SRGAP3: variants seen among roughly 807,000 people sequenced by gnomAD.
SRGAP3 encodes the protein SLIT-ROBO Rho GTPase-activating protein 3.
In SRGAP3, 39 loss-of-function variants were observed where a neutral mutation model predicts 121.1. The ratio of observed to expected loss-of-function variants is 0.32; its 90% CI spans 0.25 to 0.42. The LOEUF (loss-of-function observed/expected upper bound fraction) is 0.42, where lower values mean the gene tolerates loss of function less well. Ranked by LOEUF, SRGAP3 falls within the 10% of genes least tolerant of loss-of-function variation. SRGAP3 has a pLI of 1.00. For synonymous variants in SRGAP3, 601 were observed against 570.0 expected (o/e 1.05, Z -0.77); for missense variants, 1,213 against 1,470.6 (o/e 0.82, Z 2.86).
At chr3:9,293,948 G>A (rs1040269200) in intron 3 of SRGAP3, among the ~76,000 whole-genome samples, 1 of 152,092 alleles carries the variant, frequency 6.6e-6, no homozygotes, top group African/African-American at 2.4e-5. Flanking sequence ...CCTAAAGAAA[G>A]AAACACCATT....
chr3:9,291,655 T>C (rs62244928), intron 3 of SRGAP3, among the ~76,000 whole-genome samples: 40 of 151,816 alleles, frequency 2.6e-4, no homozygotes, highest in Non-Finnish European at 4.6e-4. Flanking sequence ...TTTGTTGTCT[T>C]AAATATATTT....
At chr3:9,260,273 T>C (rs765273853) in intron 3 of SRGAP3, among the ~76,000 whole-genome samples, 1 of 151,984 alleles carries the variant, frequency 6.6e-6, no homozygotes, top group Non-Finnish European at 1.5e-5. Context: ...CGTACCCCAG[T>C]GGTGCCTGGA....
At chr3:9,149,389 T>C (rs979297151) in intron 1 of SRGAP3, among the ~76,000 whole-genome samples, 1 of 152,104 alleles carries the variant, frequency 6.6e-6, no homozygotes, top group African/African-American at 2.4e-5. Context: ...ATGAGGCAGG[T>C]TAATTGCATT....
intron 1 of SRGAP3, among the ~76,000 whole-genome samples, chr3:9,133,632 T>C (rs989159018): frequency 1.6e-4 from 24 of 152,256 alleles, no homozygotes; most frequent in African/African-American, 5.8e-4. Context: ...TATAATCTTT[T>C]ACTATCATCA....
chr3:9,126,410 T>A (rs1949229204), intron 1 of SRGAP3, among the ~76,000 whole-genome samples: 1 of 152,126 alleles, frequency 6.6e-6, no homozygotes, highest in Non-Finnish European at 1.5e-5. Context: ...GGCGGGTGGA[T>A]CACGAGGTCA....
chr3:9,185,104 C>T (rs911137366), intron 1 of SRGAP3, among the ~76,000 whole-genome samples: 2 of 152,212 alleles, frequency 1.3e-5, no homozygotes, highest in East Asian at 1.9e-4. Flanking sequence ...TTAGAGTCTT[C>T]GGTCTTCCCA....
chr3:8,999,874 T>G (rs1314176983), intron 18 of SRGAP3, among the ~76,000 whole-genome samples: 1 of 151,680 alleles, frequency 6.6e-6, no homozygotes, highest in Non-Finnish European at 1.5e-5. Context: ...AGAAAAAATA[T>G]AAAAAGAAAA....
chr3:9,051,710 CTTTTT>C (rs36044423), intron 9 of SRGAP3, among the ~76,000 whole-genome samples: 3 of 103,106 alleles, frequency 2.9e-5, no homozygotes, highest in Admixed American at 1.2e-4. Context: ...TTGCTCAATT[CTTTTT>C]TTTTTTTTTT....
At chr3:9,202,717 C>T (rs1407485806) in intron 1 of SRGAP3, among the ~76,000 whole-genome samples, 3 of 152,222 alleles carry the variant, frequency 2.0e-5, no homozygotes, top group African/African-American at 4.8e-5. Context: ...CTGAATCTCC[C>T]GCAGGCCTGG....
chr3:9,356,539 A>T (rs1380949073), intron 1 of SRGAP3, among the ~76,000 whole-genome samples: 1 of 151,180 alleles, frequency 6.6e-6, no homozygotes, highest in Non-Finnish European at 1.5e-5. Context: ...CATCCGGCTA[A>T]TTTTTTTGTA....
chr3:8,994,300 A>G, intron 19 of SRGAP3, 43 bp downstream of exon 19: 5 of 1,611,474 alleles, frequency 3.1e-6, no homozygotes, highest in Non-Finnish European at 4.2e-6. Flanking sequence ...AGACATCACT[A>G]ATCTATTTCG....
At chr3:9,123,827 G>A (rs1044838874) in intron 2 of SRGAP3, among the ~76,000 whole-genome samples, 5 of 151,468 alleles carry the variant, frequency 3.3e-5, no homozygotes, top group African/African-American at 1.2e-4. Context: ...ACAGGACCCA[G>A]GGGAAGGGGG....
At chr3:9,166,175 T>A (rs1369450563) in intron 1 of SRGAP3, among the ~76,000 whole-genome samples, 1 of 152,198 alleles carries the variant, frequency 6.6e-6, no homozygotes, top group Non-Finnish European at 1.5e-5. Flanking sequence ...CTATAACCTT[T>A]CTTCCTCCTT....
chr3:9,254,518 G>A (rs1364894144), upstream of SRGAP3, among the ~76,000 whole-genome samples: 1 of 152,188 alleles, frequency 6.6e-6, no homozygotes, highest in Non-Finnish European at 1.5e-5. Context: ...TTTGGGACAG[G>A]AGCAGTGGCT....
chr3:9,266,223 G>C (rs527382458), intron 3 of SRGAP3, among the ~76,000 whole-genome samples: 1 of 152,248 alleles, frequency 6.6e-6, no homozygotes, highest in South Asian at 2.1e-4. Context: ...GGCCTGTCAT[G>C]GCATGGGGGG....
At chr3:9,196,981 A>T (rs1166339151) in intron 1 of SRGAP3, among the ~76,000 whole-genome samples, 2 of 152,236 alleles carry the variant, frequency 1.3e-5, no homozygotes, top group Non-Finnish European at 2.9e-5. Context: ...TTTCTAAAAC[A>T]CACCTCTCCA....
rs184651920 is a variant in SRGAP3 at position 9,114,890 on chromosome 3, C to G, written c.260+9835G>C. 1.1e-3 allele frequency among the ~76,000 whole-genome samples: 174 copies of G among 152,316 alleles called. 1 individual carries two copies. Among genetic ancestry groups the G allele is most frequent in the East Asian group, 6.2e-3 (32 of 5,190 alleles). ...TCCACATCACCGTGAACCAAGTGCTCTACTGGATGTCTGATAGGCATCATC... is the reference window on the plus strand; with the variant it reads ...TCCACATCACCGTGAACCAAGTGCTGTACTGGATGTCTGATAGGCATCATC... On this transcript the variant is annotated intron_variant, in intron 2 of 21. Coordinates refer to ENST00000383836, the MANE Select transcript of SRGAP3 (RefSeq NM_014850.4).
intron 1 of SRGAP3, among the ~76,000 whole-genome samples, chr3:9,361,143 C>T (rs2030789965): frequency 6.6e-6 from 1 of 152,196 alleles, no homozygotes; most frequent in Non-Finnish European, 1.5e-5. Context: ...CACTCTGTCA[C>T]CTGGGCTGAA....
At chr3:9,185,854 G>C (rs115815746) in intron 1 of SRGAP3, among the ~76,000 whole-genome samples, 1 of 152,214 alleles carries the variant, frequency 6.6e-6, no homozygotes, top group Admixed American at 6.5e-5. Context: ...CTTGATGTAC[G>C]AGATTAGAGG....
Sources: allele counts gnomAD v4.1 joint callset (sites outside exome capture counted in the v4.1 genomes callset), GRCh38; gene constraint gnomAD v4.1.1; transcripts MANE v1.5; gene names NCBI Gene and HGNC (gene_info 2026-07-23, HGNC 2026-07-21).